The following RASGEF1A variants were observed in gnomAD, a reference collection of about 807,000 sequenced individuals.
RASGEF1A encodes RasGEF domain family member 1A.
A neutral mutation model predicts 56.4 loss-of-function variants in RASGEF1A; 18 were observed. The observed-to-expected ratio is 0.32, with a 90% CI of 0.22 to 0.47. RASGEF1A has a LOEUF of 0.47. Ranked by LOEUF, RASGEF1A falls within the 20% of genes least tolerant of loss-of-function variation. RASGEF1A has a pLI of 1.00. For synonymous variants in RASGEF1A, 245 were observed against 242.6 expected (o/e 1.01, Z -0.09); for missense variants, 422 against 627.1 (o/e 0.67, Z 3.49).
intron 4 of RASGEF1A, among the ~76,000 whole-genome samples, chr10:43,201,268 G>A (rs1464364154): frequency 6.6e-6 from 1 of 152,196 alleles, no homozygotes; most frequent in Non-Finnish European, 1.5e-5. Context: ...AGGAGTCTCT[G>A]CCCCCTAGTT....
chr10:43,253,368 A>C (rs1460082613), intron 1 of RASGEF1A, among the ~76,000 whole-genome samples: 2 of 152,218 alleles, frequency 1.3e-5, no homozygotes, highest in Non-Finnish European at 2.9e-5. Flanking sequence ...ATGGCCCCCA[A>C]ATATGCCCAC....
In RASGEF1A at chr10:43,196,200, A is replaced by G. The variant is rs780661592; in HGVS notation, c.*44T>C. 4 of 1,602,608 alleles carry G rather than the reference A, an allele frequency of 2.5e-6. No individual in the cohort carries two copies. The highest frequency in any genetic ancestry group is 1.1e-5 in the South Asian group (1 of 90,064). ...CCCACATCAGTCAAAATTTAAACCC[A>G]GTTAGTGCACGTGCTTCCTCTGGCG... On this transcript the variant is annotated 3_prime_UTR_variant, in exon 13 of 13. Coordinates refer to ENST00000395810, the MANE Select transcript of RASGEF1A (RefSeq NM_145313.4). The surrounding 1 kb of genome is among the most constrained non-coding windows in gnomAD (Gnocchi z 4.6).
chr10:43,209,837 G>T (rs6593509), intron 1 of RASGEF1A, among the ~76,000 whole-genome samples: 2,679 of 152,136 alleles, frequency 0.018, 80 homozygotes, highest in African/African-American at 0.061. Flanking sequence ...CTGCATGGAT[G>T]CTCTAAGGCC....
intron 1 of RASGEF1A, among the ~76,000 whole-genome samples, chr10:43,255,263 G>T (rs1840675473): frequency 6.6e-6 from 1 of 152,200 alleles, no homozygotes; most frequent in Non-Finnish European, 1.5e-5. Context: ...ACACCACCTA[G>T]GCCAAGCCGC....
chr10:43,231,674 C>G (rs951317809), intron 1 of RASGEF1A, among the ~76,000 whole-genome samples: 1 of 152,272 alleles, frequency 6.6e-6, no homozygotes, highest in Non-Finnish European at 1.5e-5. Flanking sequence ...ATGGTGCTGT[C>G]TCCTTTACCC....
chr10:43,203,397 G>C lies in RASGEF1A; in HGVS notation c.222C>G (p.Leu74=). ...GGGGCATAAAGACCCGGGAGCTCAGGAGAAAGGTGAAGATGTACGTCCTCT... is the reference window on the plus strand; with the variant it reads ...GGGGCATAAAGACCCGGGAGCTCAGCAGAAAGGTGAAGATGTACGTCCTCT... ...YPDRTYIFTF[L]LSSRVFMPPH... The change falls in exon 3 of 13, where the codon CTC becomes CTG. Residue 74 remains leucine, a synonymous_variant. Transcript: ENST00000395810. The C allele has an allele frequency of 6.3e-7, 1 of 1,582,688 alleles. No homozygotes were observed.
intron 1 of RASGEF1A, chr10:43,207,748 C>G (rs1840016753): frequency 1.0e-6 from 1 of 976,186 alleles, no homozygotes; most frequent in African/African-American, 1.8e-5. Flanking sequence ...AGCCCCAGAC[C>G]TGCTGGTCAG....
chr10:43,229,298 C>T lies in RASGEF1A; in HGVS notation c.-6-23176G>A, dbSNP rs531918954. ...CACACACCGCGGACCACCCCTCGCC[C>T]GGCACATCCTCCTCAGAGCAACAGG... On this transcript the variant is annotated intron_variant, in intron 1 of 12. Transcript: ENST00000395810. Among the ~76,000 whole-genome samples the T allele has an allele frequency of 3.1e-3, 465 of 152,334 alleles. 3 individuals carry two copies. The highest frequency in any genetic ancestry group is 5.1e-3 in the Non-Finnish European group (349 of 68,026).
rs1231598858 is a variant in RASGEF1A, at chr10:43,198,999, G to A, written c.966C>T (p.Leu322=). ...SMMAIISGMN[L]SPVARLKKTW... Reference sequence around the variant, plus strand: ...TTTTCTTCAGCCTTGCCACAGGACTGAGGTTCATGCCAGCTGCAGAGGACA... The same window carrying A: ...TTTTCTTCAGCCTTGCCACAGGACTAAGGTTCATGCCAGCTGCAGAGGACA... The change falls in exon 9 of 13, where the codon CTC becomes CTT. Residue 322 remains leucine (L), a synonymous_variant. Transcript: ENST00000395810. 1.2e-6 allele frequency: 2 copies of A among 1,610,678 alleles called. No homozygotes were observed. The highest frequency in any genetic ancestry group is 1.7e-6 in the Non-Finnish European group (2 of 1,178,376).
At chr10:43,255,937 C>T (rs115141992) in intron 1 of RASGEF1A, among the ~76,000 whole-genome samples, 1,640 of 152,302 alleles carry the variant, frequency 0.011, 37 homozygotes, top group African/African-American at 0.037. Flanking sequence ...TGGGCTTCTC[C>T]GATGCCCTCC....
At chr10:43,230,505 C>G (rs1206371541) in intron 1 of RASGEF1A, among the ~76,000 whole-genome samples, 2 of 152,188 alleles carry the variant, frequency 1.3e-5, no homozygotes, top group Non-Finnish European at 2.9e-5. Flanking sequence ...AGCCGAAGAG[C>G]GCCCTCTCTG....
At chr10:43,261,154 A>G (rs750584484) in intron 1 of RASGEF1A, among the ~76,000 whole-genome samples, 1 of 151,822 alleles carries the variant, frequency 6.6e-6, no homozygotes, top group Non-Finnish European at 1.5e-5. Context: ...TGGCCTTTCC[A>G]TGAAGAACAG....
chr10:43,258,829 C>T (rs1564545251), intron 1 of RASGEF1A, among the ~76,000 whole-genome samples: 1 of 152,354 alleles, frequency 6.6e-6, no homozygotes, highest in East Asian at 1.9e-4. Context: ...TCCTGGCAAG[C>T]TGGAAGAGCT....
intron 1 of RASGEF1A, among the ~76,000 whole-genome samples, chr10:43,265,024 T>C (rs982784825): frequency 4.6e-5 from 7 of 152,172 alleles, no homozygotes; most frequent in Non-Finnish European, 8.8e-5. Flanking sequence ...GGCCACACTG[T>C]GTCCCAGTGC....
At chr10:43,255,090 T>A (rs1879300) in intron 1 of RASGEF1A, among the ~76,000 whole-genome samples, 111,901 of 152,140 alleles carry the variant, frequency 0.74, 41,470 homozygotes, top group East Asian at 0.95. Flanking sequence ...CCACCTGGTC[T>A]CTGCCTGGCA....
intron 1 of RASGEF1A, among the ~76,000 whole-genome samples, chr10:43,258,338 A>AG (rs968114318): frequency 2.6e-5 from 4 of 152,160 alleles, no homozygotes; most frequent in Non-Finnish European, 5.9e-5. Flanking sequence ...GGCTGAGGTG[A>AG]GGGGGCTGTG....
chr10:43,195,734 C>T lies in RASGEF1A; in HGVS notation c.*510G>A, dbSNP rs1365555472. 3 of 152,932 alleles carry T rather than the reference C, an allele frequency of 2.0e-5. No individual in the cohort carries two copies. The highest frequency in any genetic ancestry group is 4.4e-5 in the Non-Finnish European group (3 of 68,318). The allele number at this position is 152,932 out of a possible 1,614,324, so 9.5% of individuals were successfully genotyped here. A position where few individuals can be genotyped will look rare whatever the true frequency, so the allele number is the denominator to read the frequency against. ...AGCCACCAGCCCTCCTATGGAGCCTCGCAGCCCAGGCTCCTGAGGGCAGGC... is the reference window on the plus strand; with the variant it reads ...AGCCACCAGCCCTCCTATGGAGCCTTGCAGCCCAGGCTCCTGAGGGCAGGC... On this transcript the variant is annotated 3_prime_UTR_variant, in exon 13 of 13. Coordinates refer to ENST00000395810, the MANE Select transcript of RASGEF1A (RefSeq NM_145313.4). The surrounding 1 kb of genome is among the most constrained non-coding windows in gnomAD (Gnocchi z 4.2).
intron 1 of RASGEF1A, 21 bp from the exon 2 acceptor site, chr10:43,206,143 C>A: frequency 6.5e-7 from 1 of 1,547,900 alleles, no homozygotes; most frequent in Non-Finnish European, 8.7e-7. Flanking sequence ...AGAGCAAGGA[C>A]ATGAGGCATC....
intron 1 of RASGEF1A, among the ~76,000 whole-genome samples, chr10:43,224,180 GGATAA>G (rs1345154145): frequency 6.6e-6 from 1 of 152,088 alleles, no homozygotes; most frequent in Non-Finnish European, 1.5e-5. Context: ...AAGCCTTTGA[GGATAA>G]GATAATTTTA....
Sources: gnomAD v4.1 joint callset for allele counts (sites outside exome capture counted in the v4.1 genomes callset) on GRCh38, gnomAD v4.1.1 for gene constraint, Gnocchi (gnomAD v3.1) non-coding constraint, MANE v1.5 for transcripts, NCBI Gene and HGNC (gene_info 2026-07-23, HGNC 2026-07-21) for gene names.